The following ZNF81 variants were observed in gnomAD, a reference collection of about 807,000 sequenced individuals.
The protein encoded by ZNF81 is zinc finger protein 81.
A neutral mutation model predicts 32.3 loss-of-function variants in ZNF81; 5 were observed. The observed-to-expected ratio is 0.15, with a 90% CI of 0.08 to 0.33. The LOEUF is 0.33. Among genes scored for constraint, ZNF81 ranks in the 10% least tolerant of loss-of-function variants. The pLI is 1.00. For missense variants in ZNF81, 379 were observed against 479.8 expected (o/e 0.79, Z 1.96); for synonymous variants, 163 against 166.8 (o/e 0.98, Z 0.17).
intron 2 of ZNF81, among the ~76,000 whole-genome samples, chrX:47,864,623 T>C (rs1556883008): frequency 8.9e-6 from 1 of 112,136 alleles, no homozygotes; most frequent in Non-Finnish European, 1.9e-5. Context: ...TTGTAATTTG[T>C]GCCCAGTCTG....
intron 2 of ZNF81, among the ~76,000 whole-genome samples, chrX:47,850,545 G>C (rs934518118): frequency 7.9e-4 from 83 of 105,089 alleles, no homozygotes; most frequent in Non-Finnish European, 1.3e-3. Flanking sequence ...TGAAAGCAAA[G>C]TGAGGAAGTG....
At chrX:47,872,165 G>A (rs2058583105) in intron 2 of ZNF81, among the ~76,000 whole-genome samples, 1 of 111,851 alleles carries the variant, frequency 8.9e-6, no homozygotes, top group African/African-American at 3.2e-5. Flanking sequence ...GGTCTCAGTT[G>A]TTTTATTGTA....
intron 2 of ZNF81, among the ~76,000 whole-genome samples, chrX:47,856,120 G>A (rs182527527): frequency 1.4e-4 from 15 of 104,345 alleles, no homozygotes; most frequent in Non-Finnish European, 2.3e-4. Context: ...TGCATTTCCC[G>A]TTAATGTGTT....
intron 1 of ZNF81, among the ~76,000 whole-genome samples, chrX:47,842,301 A>C (rs1188169895): frequency 8.9e-6 from 1 of 111,881 alleles, no homozygotes; most frequent in Non-Finnish European, 1.9e-5. Context: ...GTGTATCTTC[A>C]AAAAGGTTTT....
At chrX:47,909,877 C>T (rs1472100193) in intron 4 of ZNF81, among the ~76,000 whole-genome samples, 1 of 107,307 alleles carries the variant, frequency 9.3e-6, no homozygotes, top group Non-Finnish European at 1.9e-5. Flanking sequence ...TTTGTCCTTG[C>T]GATAGTTTAC....
intron 4 of ZNF81, among the ~76,000 whole-genome samples, chrX:47,902,413 C>T (rs782074139): frequency 6.3e-5 from 7 of 111,387 alleles, no homozygotes; most frequent in Non-Finnish European, 1.1e-4. Flanking sequence ...CAAAAGAATC[C>T]CTAAAGAGGT....
Position 47,880,642 on chromosome X carries a change from C to G in ZNF81, c.55-7357C>G, listed in dbSNP as rs149186801. On this transcript the variant is annotated intron_variant, in intron 2 of 4. Transcript: ENST00000338637. ...GTGGGATAATAATTTTAATATAAAA[C>G]TCAGTAATACCTCTTTCTTGATATA... Among the ~76,000 whole-genome samples the G allele has an allele frequency of 1.6e-4, 18 of 112,014 alleles. No individual in the cohort carries two copies. The East Asian group carries it at 2.8e-3, about 17-fold the overall frequency.
At chrX:47,852,020 C>T (rs1031231955) in intron 2 of ZNF81, among the ~76,000 whole-genome samples, 3 of 112,403 alleles carry the variant, frequency 2.7e-5, no homozygotes, top group Non-Finnish European at 5.6e-5. Context: ...GGGTTCGATT[C>T]CAGACCACTG....
intron 2 of ZNF81, among the ~76,000 whole-genome samples, chrX:47,862,879 C>G (rs1383654953): frequency 1.8e-5 from 2 of 111,282 alleles, no homozygotes; most frequent in African/African-American, 6.5e-5. Context: ...CAGGGGAAGT[C>G]CTAGTCAGCT....
At chrX:47,853,044 G>A (rs1556881432) in intron 2 of ZNF81, among the ~76,000 whole-genome samples, 1 of 112,414 alleles carries the variant, frequency 8.9e-6, no homozygotes, top group African/African-American at 3.2e-5. Flanking sequence ...TGGTGACCAG[G>A]TGCATTGTCA....
Position 47,922,987 on chromosome X carries a change from C to A in ZNF81, c.*6355C>A, listed in dbSNP as rs1364386927. On this transcript the variant is annotated 3_prime_UTR_variant, in exon 5 of 5. Coordinates refer to ENST00000338637, the MANE Select transcript of ZNF81 (RefSeq NM_007137.5). ...TGTCTGGCTCTCTTTCCAAATTTCC[C>A]CTTTTATAAGGACACTAGTTATATT... Among the ~76,000 whole-genome samples, 1 of 111,567 alleles carries A rather than the reference C, an allele frequency of 9.0e-6. No individual in the cohort carries two copies. The highest frequency in any genetic ancestry group is 1.9e-5 in the Non-Finnish European group (1 of 53,146).
rs560559667 is a variant in ZNF81 at position 47,900,238 on chromosome X, T to C, written c.277+4298T>C. Among the ~76,000 whole-genome samples the C allele has an allele frequency of 9.0e-5, 10 of 111,712 alleles. 1 individual carries two copies. The South Asian group carries it at 3.7e-3, about 42-fold the overall frequency. ...CTATAGCAATCTGGACAGTATGTTA[T>C]TGGTGTAAAGACACACTAATATATA... On this transcript the variant is annotated intron_variant, in intron 4 of 4. Transcript: ENST00000338637.
rs192889689 is a variant in ZNF81, at chrX:47,861,942, G to A, written c.54+15621G>A. Among the ~76,000 whole-genome samples, 20 of 111,944 alleles carry A rather than the reference G, an allele frequency of 1.8e-4. No homozygotes were observed. In the East Asian group the frequency reaches 3.4e-3, roughly 19 times the overall value. ...CCAAGGTAGCATTATTAATCACCTC[G>A]GCTAAAATCAGGGACAGATTTGCTA... On this transcript the variant is annotated intron_variant, in intron 2 of 4. Coordinates refer to ENST00000338637, the MANE Select transcript of ZNF81 (RefSeq NM_007137.5).
At chrX:47,869,238 G>A (rs986180178) in intron 2 of ZNF81, among the ~76,000 whole-genome samples, 1 of 111,866 alleles carries the variant, frequency 8.9e-6, no homozygotes, top group Non-Finnish European at 1.9e-5. Flanking sequence ...AGTTACTTTA[G>A]TATTATCAAA....
rs782662446 is a variant in ZNF81, at chrX:47,877,663, C to T, written c.55-10336C>T. The stretch of plus-strand genomic sequence containing the variant: ...TTCTGGTCATGCCCACTGGTGAACT[C>T]AGGCTTTACTAGCACAGTAGCAACT... On this transcript the variant is annotated intron_variant, in intron 2 of 4. Coordinates refer to ENST00000338637, the MANE Select transcript of ZNF81 (RefSeq NM_007137.5). Among the ~76,000 whole-genome samples the T allele has an allele frequency of 2.7e-5, 3 of 112,113 alleles. No homozygotes were observed. The South Asian group carries it at 1.1e-3, about 41-fold the overall frequency.
chrX:47,857,898 T>C (rs1179256463), intron 2 of ZNF81, among the ~76,000 whole-genome samples: 1 of 111,126 alleles, frequency 9.0e-6, no homozygotes, highest in Non-Finnish European at 1.9e-5. Flanking sequence ...CTATAATCTC[T>C]GTGGTACACT....
Position 47,915,134 on chromosome X carries a change from C to A in ZNF81, c.488C>A (p.Thr163Lys). 2 of 1,202,757 alleles carry A rather than the reference C, an allele frequency of 1.7e-6. No individual in the cohort carries two copies. Among genetic ancestry groups the A allele is most frequent in the Non-Finnish European group, 2.2e-6 (2 of 892,288 alleles). The change falls in exon 5 of 5, where the codon ACA becomes AAA. Residue 163 changes from threonine to lysine, a missense_variant. This residue lies in a region of ZNF81 where 277 missense variants were observed against 306.6 expected (regional missense o/e 0.90). Transcript: ENST00000338637. The stretch of plus-strand genomic sequence containing the variant: ...TTCCTCAATAAGAAAATATTGAATA[C>A]AGAGTGGGATTATGAATATAAAGAC... ...TTFLNKKILN[T>K]EWDYEYKDFG... is the part of the protein sequence containing the mutation.
chrX:47,861,795 C>T (rs1256885811), intron 2 of ZNF81, among the ~76,000 whole-genome samples: 1 of 112,366 alleles, frequency 8.9e-6, no homozygotes, highest in East Asian at 2.8e-4. Flanking sequence ...CAGGCCTAAT[C>T]CAGGTAACAT....
intron 2 of ZNF81, among the ~76,000 whole-genome samples, chrX:47,876,831 C>T (rs1556884588): frequency 8.9e-6 from 1 of 112,215 alleles, no homozygotes; most frequent in African/African-American, 3.2e-5. Flanking sequence ...TGACATCTTA[C>T]ATATCTCATG....
Sources: allele counts gnomAD v4.1 joint callset (sites outside exome capture counted in the v4.1 genomes callset), GRCh38; gene constraint gnomAD v4.1.1; regional missense constraint gnomAD v4.1.1; transcripts MANE v1.5; gene names NCBI Gene and HGNC (gene_info 2026-07-23, HGNC 2026-07-21).